The following ZBTB1 variants were observed in gnomAD, a reference collection of about 807,000 sequenced individuals.
ZBTB1 encodes the protein zinc finger and BTB domain-containing protein 1.
ZBTB1 carries 13 observed loss-of-function variants against 51.6 expected under a neutral mutation model. The ratio of observed to expected loss-of-function variants is 0.25; its 90% CI spans 0.16 to 0.40. The LOEUF is 0.40. Among genes scored for constraint, ZBTB1 ranks in the 10% least tolerant of loss-of-function variants. The pLI, the probability that ZBTB1 is intolerant of heterozygous loss-of-function variation, is 1.00. For synonymous variants in ZBTB1, 240 were observed against 282.2 expected (o/e 0.85, Z 1.50); for missense variants, 567 against 856.5 (o/e 0.66, Z 4.22).
Position 64,522,684 on chromosome 14 carries a change from G to T in ZBTB1, c.1180G>T (p.Val394Leu), listed in dbSNP as rs2079872902. Residue 394 changes from valine to leucine, a missense_variant, in exon 2 of 2, where the codon GTA (valine) becomes TTA (leucine). By Grantham distance (32) the Val-to-Leu change is conservative. Around this residue, in one of 5 missense-constraint regions of ZBTB1, gnomAD observed 329 missense variants for 406.3 expected, o/e 0.81. Transcript: ENST00000683701. ...GRKTLKPRMSVSADERGGLEN... is the reference protein window; with the variant it reads ...GRKTLKPRMSLSADERGGLEN... ...GAAAACTCTAAAACCTCGAATGTCA[G>T]TAAGTGCTGATGAAAGAGGTGGTTT... The T allele has an allele frequency of 6.2e-7, 1 of 1,614,080 alleles. No homozygotes were observed. Among genetic ancestry groups the T allele is most frequent in the Admixed American group, 1.7e-5 (1 of 60,004 alleles).
At chr14:64,513,540 A>G (rs2079748669) in intron 1 of ZBTB1, among the ~76,000 whole-genome samples, 2 of 152,194 alleles carry the variant, frequency 1.3e-5, no homozygotes, top group Non-Finnish European at 2.9e-5. Context: ...CTTTCTGTTT[A>G]TCCTACTCAT....
chr14:64,510,672 G>C (rs1437756002), intron 1 of ZBTB1, among the ~76,000 whole-genome samples: 2 of 152,166 alleles, frequency 1.3e-5, no homozygotes, highest in Non-Finnish European at 1.5e-5. Context: ...TTTGAAGCAG[G>C]CAGTAACTAA....
At chr14:64,507,843 G>A (rs1159633955) in intron 1 of ZBTB1, among the ~76,000 whole-genome samples, 2 of 152,162 alleles carry the variant, frequency 1.3e-5, no homozygotes, top group Non-Finnish European at 2.9e-5. Context: ...CCTTTATAGA[G>A]AGTTTCATAA....
Position 64,522,904 on chromosome 14 carries a change from C to G in ZBTB1, c.1400C>G (p.Ala467Gly). Residue 467 changes from alanine to glycine, a missense_variant, in exon 2 of 2, where the codon GCT becomes GGT. Transcript: ENST00000683701. ...AAGGGTAGGCAGCTTCAGGAACATG[C>G]TCAACGATGTGGCGAGCCCCAAGAT... ...LVKGRQLQEH[A>G]QRCGEPQDLT... is the part of the protein sequence containing the mutation. 6.2e-7 allele frequency: 1 copy of G among 1,614,090 alleles called. No homozygotes were observed. The highest frequency in any genetic ancestry group is 2.2e-5 in the East Asian group (1 of 44,880).
At chr14:64,527,917 A>T (rs1032486836), downstream of ZBTB1, among the ~76,000 whole-genome samples, 11 of 152,352 alleles carry the variant, frequency 7.2e-5, no homozygotes, top group Admixed American at 5.2e-4. Context: ...TAATTATAGA[A>T]TGCCTATGGA....
chr14:64,527,191 C>T (rs1164566775), downstream of ZBTB1, among the ~76,000 whole-genome samples: 4 of 151,732 alleles, frequency 2.6e-5, no homozygotes, highest in African/African-American at 9.7e-5. Context: ...GCAGTCAGGA[C>T]ACTAATTAAA....
rs556263824 is a variant in ZBTB1 at position 64,515,475 on chromosome 14, G to A, written c.-18-6012G>A. Among the ~76,000 whole-genome samples, 128 of 151,748 alleles carry A rather than the reference G, an allele frequency of 8.4e-4. 1 individual carries two copies. The highest frequency in any genetic ancestry group is 1.7e-3 in the Admixed American group (26 of 15,250). On this transcript the variant is annotated intron_variant, in intron 1 of 1. Transcript: ENST00000683701. ...AATGAAAAAAGAGCAAACTCCTCTT[G>A]GAATTTGAGTGAAATTATAATTTAA...
chr14:64,531,731 T>C, intron 2 of ZBTB1: 1 of 968,900 alleles, frequency 1.0e-6, no homozygotes. Context: ...TTCTATTCTC[T>C]GTTCTGTTAA....
chr14:64,517,902 C>T (rs1296833667), intron 1 of ZBTB1, among the ~76,000 whole-genome samples: 4 of 150,078 alleles, frequency 2.7e-5, no homozygotes, highest in Admixed American at 1.3e-4. Flanking sequence ...GGCATGATCT[C>T]GGCTCACTGC....
In ZBTB1 at chr14:64,522,910, G is replaced by A. The variant is rs143630259; in HGVS notation, c.1406G>A (p.Arg469Gln). Residue 469 changes from arginine to glutamine, a missense_variant, in exon 2 of 2, where the codon CGA becomes CAA. Coordinates refer to ENST00000683701, the MANE Select transcript of ZBTB1 (RefSeq NM_001123329.2). ...AGGCAGCTTCAGGAACATGCTCAAC[G>A]ATGTGGCGAGCCCCAAGATCTGACC... ...KGRQLQEHAQ[R>Q]CGEPQDLTMN... The A allele has an allele frequency of 7.4e-6, 12 of 1,614,062 alleles. No homozygotes were observed. Among genetic ancestry groups the A allele is most frequent in the African/African-American group, 2.7e-5 (2 of 74,920 alleles).
chr14:64,505,028 CG>C, intron 1 of ZBTB1, 82 bp downstream of exon 1: 1 of 382,532 alleles, frequency 2.6e-6, no homozygotes. Context: ...TGGCGGAGTG[CG>C]GGGCCGGAGG....
In ZBTB1 at chr14:64,522,764, T is replaced by C; in HGVS notation, c.1260T>C (p.Asn420=). 2 of 1,614,200 alleles carry C rather than the reference T, an allele frequency of 1.2e-6. No homozygotes were observed. Among genetic ancestry groups the C allele is most frequent in the Non-Finnish European group, 1.7e-6 (2 of 1,180,022 alleles). ...NSSPVQEDAE[N]ASCELCGLTI... is the part of the protein sequence containing the mutation. ...GTCCAGTACAAGAGGATGCTGAAAA[T>C]GCATCTTGTGAGCTGTGTGGACTTA... is the stretch of plus-strand genomic sequence containing the variant. The change falls in exon 2 of 2, where the codon AAT becomes AAC. Residue 420 remains asparagine, a synonymous_variant. Transcript: ENST00000683701.
downstream of ZBTB1, among the ~76,000 whole-genome samples, chr14:64,525,708 T>C (rs1412319923): frequency 6.6e-6 from 1 of 152,222 alleles, no homozygotes; most frequent in Non-Finnish European, 1.5e-5. Context: ...TCTTTTGATA[T>C]GTACTAACAG....
Position 64,524,703 on chromosome 14 carries a change from C to CT in ZBTB1, c.*1058dup, listed in dbSNP as rs929296279. 6.9e-5 allele frequency: 68 copies of CT among 984,868 alleles called. No homozygotes were observed. In the Middle Eastern group the frequency reaches 3.1e-3, roughly 45 times the overall value. The allele number at this position is 984,868 out of a possible 1,614,324, so 61.0% of individuals were successfully genotyped here. A position where few individuals can be genotyped will look rare whatever the true frequency, so the allele number is the denominator to read the frequency against. Reference sequence around the variant, plus strand: ...AAAAATGTCTTGTGTTTTATACTGTCTAAGATTTGGAGGAAATGTGGCAAA... The same window carrying CT: ...AAAAATGTCTTGTGTTTTATACTGTCTTAAGATTTGGAGGAAATGTGGCAAA... On this transcript the variant is annotated 3_prime_UTR_variant, in exon 2 of 2. Transcript: ENST00000683701.
intron 1 of ZBTB1, among the ~76,000 whole-genome samples, chr14:64,505,382 G>T (rs541907641): frequency 3.2e-4 from 49 of 152,282 alleles, no homozygotes; most frequent in African/African-American, 1.2e-3. Context: ...TGCAGACTTG[G>T]GCGCGCTCCG....
intron 1 of ZBTB1, among the ~76,000 whole-genome samples, chr14:64,515,288 T>C (rs1233713496): frequency 6.6e-6 from 1 of 152,148 alleles, no homozygotes; most frequent in African/African-American, 2.4e-5. Context: ...GTCCTACCAG[T>C]GATGCAGCTA....
Position 64,522,030 on chromosome 14 carries a change from G to C in ZBTB1, c.526G>C (p.Asp176His). 6.2e-7 allele frequency: 1 copy of C among 1,614,222 alleles called. No homozygotes were observed. Among genetic ancestry groups the C allele is most frequent in the Non-Finnish European group, 8.5e-7 (1 of 1,180,042 alleles). Residue 176 changes from aspartate (D) to histidine (H), a missense_variant, in exon 2 of 2, where the codon GAT becomes CAT. Asp to His is a moderately conservative substitution (Grantham distance 81). Coordinates refer to ENST00000683701, the MANE Select transcript of ZBTB1 (RefSeq NM_001123329.2). The part of the protein sequence containing the change: ...TVNTPHNREA[D>H]EESLQLGNFP... Reference sequence around the variant, plus strand: ...AAATACACCACATAATAGAGAGGCTGATGAAGAGTCTTTACAATTAGGTAA... The same window carrying C: ...AAATACACCACATAATAGAGAGGCTCATGAAGAGTCTTTACAATTAGGTAA...
intron 1 of ZBTB1, among the ~76,000 whole-genome samples, chr14:64,508,674 T>C (rs2079691642): frequency 6.6e-6 from 1 of 152,194 alleles, no homozygotes; most frequent in Admixed American, 6.5e-5. Flanking sequence ...ATAATAAAAA[T>C]ACCTATCTCA....
chr14:64,506,545 C>CA (rs750044077), intron 1 of ZBTB1, among the ~76,000 whole-genome samples: 36 of 150,512 alleles, frequency 2.4e-4, no homozygotes, highest in Admixed American at 4.2e-4. Context: ...AAAAAACAAA[C>CA]AACAACAACA....
Sources: allele counts gnomAD v4.1 joint callset (sites outside exome capture counted in the v4.1 genomes callset), GRCh38; gene constraint gnomAD v4.1.1; regional missense constraint gnomAD v4.1.1; transcripts MANE v1.5; gene names NCBI Gene and HGNC (gene_info 2026-07-23, HGNC 2026-07-21).